RPH3A: variants seen among roughly 807,000 people sequenced by gnomAD.
RPH3A encodes the protein rabphilin 3A.
In RPH3A, 48 loss-of-function variants were observed where a neutral mutation model predicts 102.2. That is an observed-to-expected ratio of 0.47 (90% confidence interval 0.37 to 0.60). RPH3A has a LOEUF of 0.60. Ranked by LOEUF, RPH3A falls within the 20% of genes least tolerant of loss-of-function variation. The pLI, the probability that RPH3A is intolerant of heterozygous loss-of-function variation, is 0.00. For missense variants in RPH3A, 781 were observed against 910.1 expected (o/e 0.86, Z 1.83); for synonymous variants, 310 against 324.3 (o/e 0.96, Z 0.47).
At chr12:112,851,565 G>A (rs1040694845) in intron 5 of RPH3A, among the ~76,000 whole-genome samples, 4 of 152,186 alleles carry the variant, frequency 2.6e-5, no homozygotes, top group South Asian at 4.1e-4. Context: ...AGGCTTACCA[G>A]GAAGCATTGC....
intron 1 of RPH3A, among the ~76,000 whole-genome samples, chr12:112,772,548 C>A (rs2040934092): frequency 6.6e-6 from 1 of 152,176 alleles, no homozygotes; most frequent in South Asian, 2.1e-4. Flanking sequence ...AGGTTGTACT[C>A]TAAATGACTT....
chr12:112,874,514 G>A (rs1028442221), intron 10 of RPH3A, among the ~76,000 whole-genome samples: 1 of 152,222 alleles, frequency 6.6e-6, no homozygotes, highest in Non-Finnish European at 1.5e-5. Flanking sequence ...TATGAGTTAA[G>A]TGGAACTGTT....
chr12:112,831,926 G>T, intron 3 of RPH3A: 2 of 386,056 alleles, frequency 5.2e-6, no homozygotes, highest in South Asian at 1.9e-5. Context: ...TTTTCTACTT[G>T]GTGCATGTTG....
Position 112,875,700 on chromosome 12 carries a change from C to T in RPH3A, c.905C>T (p.Pro302Leu), listed in dbSNP as rs1340387856. Residue 302 changes from proline (P) to leucine (L), a missense_variant, in exon 12 of 22, where the codon CCG becomes CTG. Coordinates refer to ENST00000389385, the MANE Select transcript of RPH3A (RefSeq NM_001143854.2). The part of the protein sequence containing the change: ...GQPGTPGGSR[P>L]GPGPAGRFPD... ...TCAGGGACCCCAGGAGGAAGCAGAC[C>T]GGGTCCTGGGCCAGCAGGACGCTTT... is the stretch of plus-strand genomic sequence containing the variant. 5.0e-6 allele frequency: 8 copies of T among 1,613,648 alleles called. No individual in the cohort carries two copies. The highest frequency in any genetic ancestry group is 1.7e-5 in the Admixed American group (1 of 59,974).
rs965806225 is a variant in RPH3A at position 112,897,609 on chromosome 12, A to G, written c.*829A>G. ...CTTTCTCTCTCTCTAAAGCAGTAAC[A>G]CCGCAAAAACAACAGCAAAAAAAGT... On this transcript the variant is annotated 3_prime_UTR_variant, in exon 22 of 22. Transcript: ENST00000389385. 1 of 152,010 alleles carries G rather than the reference A, an allele frequency of 6.6e-6. No individual in the cohort carries two copies. The highest frequency in any genetic ancestry group is 1.9e-4 in the East Asian group (1 of 5,178). 9.4% of individuals were successfully genotyped at this position (152,010 alleles called of 1,614,324 possible).
chr12:112,672,582 T>A lies in RPH3A; in HGVS notation c.-140+97263T>A, dbSNP rs1440836319. ...CTCATGGCACACAGCTGCAGGTGCC[T>A]TGGTGCTCTCCCTATGGCCTCCTAG... On this transcript the variant is annotated intron_variant, in intron 1 of 21. Coordinates refer to the RPH3A transcript ENST00000543106. 2.0e-5 allele frequency among the ~76,000 whole-genome samples: 3 copies of A among 152,148 alleles called. No homozygotes were observed. In the East Asian group the frequency reaches 5.8e-4, roughly 29 times the overall value.
At chr12:112,682,688 C>G (rs2040235796) in intron 1 of RPH3A, among the ~76,000 whole-genome samples, 1 of 152,152 alleles carries the variant, frequency 6.6e-6, no homozygotes, top group South Asian at 2.1e-4. Flanking sequence ...GGGGGAGCCA[C>G]ACTTTGACCC....
chr12:112,881,343 C>T (rs1271098148), intron 14 of RPH3A, among the ~76,000 whole-genome samples: 1 of 152,198 alleles, frequency 6.6e-6, no homozygotes, highest in African/African-American at 2.4e-5. Flanking sequence ...GGAGCATCCT[C>T]CTTCCCCCGA....
At chr12:112,744,364 C>T (rs1429528388) in intron 1 of RPH3A, among the ~76,000 whole-genome samples, 1 of 152,172 alleles carries the variant, frequency 6.6e-6, no homozygotes, top group Non-Finnish European at 1.5e-5. Flanking sequence ...GCGTGAGCCA[C>T]CATACCCGGC....
chr12:112,819,327 C>T (rs1465564585), intron 2 of RPH3A, among the ~76,000 whole-genome samples: 2 of 152,062 alleles, frequency 1.3e-5, no homozygotes, highest in African/African-American at 2.4e-5. Flanking sequence ...AGGCTGGTCT[C>T]GAACTCCTGG....
chr12:112,889,480 C>A (rs1325376260), intron 17 of RPH3A, among the ~76,000 whole-genome samples: 3 of 152,240 alleles, frequency 2.0e-5, no homozygotes, highest in African/African-American at 4.8e-5. Context: ...CACGAACTTC[C>A]CCCATTATGT....
At chr12:112,766,201 T>C (rs759001989) in intron 1 of RPH3A, among the ~76,000 whole-genome samples, 1 of 152,172 alleles carries the variant, frequency 6.6e-6, no homozygotes, top group Non-Finnish European at 1.5e-5. Flanking sequence ...CTGTGTGAAG[T>C]TGAACTCGTT....
chr12:112,783,155 A>G (rs1482626546), intron 1 of RPH3A, among the ~76,000 whole-genome samples: 1 of 152,048 alleles, frequency 6.6e-6, no homozygotes, highest in Non-Finnish European at 1.5e-5. Flanking sequence ...TCCATTCTTC[A>G]AGCCTGCTGG....
intron 1 of RPH3A, among the ~76,000 whole-genome samples, chr12:112,654,169 G>A (rs1015175096): frequency 5.9e-5 from 9 of 152,294 alleles, no homozygotes; most frequent in African/African-American, 1.9e-4. Context: ...TCAGAAACAC[G>A]TCCTGGGGGG....
intron 1 of RPH3A, among the ~76,000 whole-genome samples, chr12:112,644,211 A>G (rs967316401): frequency 3.3e-5 from 5 of 152,240 alleles, no homozygotes; most frequent in African/African-American, 4.8e-5. Flanking sequence ...CACTATTTGG[A>G]TGATGGTTAC....
chr12:112,877,931 G>A (rs2042836545), intron 13 of RPH3A, among the ~76,000 whole-genome samples: 1 of 152,186 alleles, frequency 6.6e-6, no homozygotes, highest in Admixed American at 6.5e-5. Flanking sequence ...ACGAACCTGG[G>A]CATAGTTGCT....
chr12:112,760,807 G>A (rs1300530814), intron 1 of RPH3A, among the ~76,000 whole-genome samples: 4 of 152,176 alleles, frequency 2.6e-5, no homozygotes, highest in East Asian at 1.9e-4. Context: ...GGCAGCCATC[G>A]ATAATCAGTC....
chr12:112,884,041 T>G (rs1459531201), intron 16 of RPH3A, among the ~76,000 whole-genome samples: 2 of 152,196 alleles, frequency 1.3e-5, no homozygotes, highest in Non-Finnish European at 2.9e-5. Flanking sequence ...TGCCTTTTTT[T>G]CTTAACAATA....
At chr12:112,648,888 C>T (rs752089945) in intron 1 of RPH3A, among the ~76,000 whole-genome samples, 2 of 152,006 alleles carry the variant, frequency 1.3e-5, no homozygotes, top group Non-Finnish European at 1.5e-5. Context: ...GGTGCAGTCT[C>T]GGCTCACTGC....
Sources: allele counts gnomAD v4.1 joint callset (sites outside exome capture counted in the v4.1 genomes callset), GRCh38; gene constraint gnomAD v4.1.1; transcripts MANE v1.5; gene names NCBI Gene and HGNC (gene_info 2026-07-23, HGNC 2026-07-21).